Variants in ATG13 observed in about 807,000 individuals in gnomAD.
ATG13 encodes autophagy related 13, also known as autophagy-related protein 13.
A neutral mutation model predicts 65.5 loss-of-function variants in ATG13; 23 were observed. That is an observed-to-expected ratio of 0.35 (90% confidence interval 0.25 to 0.50). The LOEUF (loss-of-function observed/expected upper bound fraction) is 0.50. ATG13 is among the 20% of genes least tolerant of loss of function. ATG13 has a pLI of 0.98. For missense variants in ATG13, 566 were observed against 677.0 expected (o/e 0.84, Z 1.82); for synonymous variants, 252 against 245.2 (o/e 1.03, Z -0.26).
chr11:46,659,236 G>A (rs1411224410), intron 10 of ATG13, 156 bp from the exon 11 acceptor site: 1 of 579,778 alleles, frequency 1.7e-6, no homozygotes, highest in Non-Finnish European at 3.1e-6. Context: ...TGGAATGTTT[G>A]AAATTATTGA....
intron 2 of ATG13, among the ~76,000 whole-genome samples, chr11:46,641,679 A>G (rs1480711030): frequency 6.6e-6 from 1 of 152,054 alleles, no homozygotes; most frequent in Non-Finnish European, 1.5e-5. Context: ...GATTGTGGTT[A>G]TATGGGTGTA....
At chr11:46,625,777 A>T (rs895795777) in intron 1 of ATG13, among the ~76,000 whole-genome samples, 1 of 152,156 alleles carries the variant, frequency 6.6e-6, no homozygotes, top group African/African-American at 2.4e-5. Context: ...GTGGTGTTAC[A>T]ACATACAGAA....
intron 7 of ATG13, among the ~76,000 whole-genome samples, chr11:46,655,132 G>T (rs2059763942): frequency 6.6e-6 from 1 of 151,946 alleles, no homozygotes; most frequent in Admixed American, 6.6e-5. Flanking sequence ...GGGCGCAGTG[G>T]CTCACGCCTG....
Position 46,668,784 on chromosome 11 carries a change from T to A in ATG13, c.1330-10T>A. 1 of 1,605,608 alleles carries A rather than the reference T, an allele frequency of 6.2e-7. No individual in the cohort carries two copies. Among genetic ancestry groups the A allele is most frequent in the African/African-American group, 1.3e-5 (1 of 74,898 alleles). On this transcript the variant is annotated splice_polypyrimidine_tract_variant and intron_variant, in intron 16 of 18. Coordinates refer to ENST00000683050, the MANE Select transcript of ATG13 (RefSeq NM_001346311.2). Reference sequence around the variant, plus strand: ...AGCATCAGCCCTAATCCTGCCTTGCTATGAAACAGGTGAATCCTCCAGATT... The same window carrying A: ...AGCATCAGCCCTAATCCTGCCTTGCAATGAAACAGGTGAATCCTCCAGATT...
chr11:46,639,440 G>A (rs1415696440), intron 2 of ATG13, among the ~76,000 whole-genome samples: 2 of 151,982 alleles, frequency 1.3e-5, no homozygotes, highest in Admixed American at 6.6e-5. Flanking sequence ...GTAGATAGTA[G>A]GTTGGCTTCT....
chr11:46,647,280 G>GTTTTTTTT (rs60893694), intron 5 of ATG13, among the ~76,000 whole-genome samples: 1 of 55,910 alleles, frequency 1.8e-5, no homozygotes, highest in Non-Finnish European at 4.6e-5. Context: ...TGTTTTTTTT[G>GTTTTTTTT]TTTTTTTTTT....
intron 2 of ATG13, among the ~76,000 whole-genome samples, chr11:46,633,137 G>T (rs1187544391): frequency 4.8e-5 from 7 of 147,168 alleles, no homozygotes; most frequent in African/African-American, 1.8e-4. Context: ...CTATTCTCCT[G>T]CCTTAGCTTC....
chr11:46,637,320 A>G (rs543026872), intron 2 of ATG13, among the ~76,000 whole-genome samples: 1 of 152,344 alleles, frequency 6.6e-6, no homozygotes, highest in Non-Finnish European at 1.5e-5. Context: ...ATAAAACAAA[A>G]TGTTTCTACA....
At chr11:46,652,938 A>G (rs539342026) in intron 7 of ATG13, among the ~76,000 whole-genome samples, 53 of 152,162 alleles carry the variant, frequency 3.5e-4, no homozygotes, top group African/African-American at 1.3e-3. Flanking sequence ...TTTTTATAAA[A>G]AAAGTTTTTT....
intron 7 of ATG13, among the ~76,000 whole-genome samples, chr11:46,651,761 T>C (rs1319950989): frequency 6.6e-6 from 1 of 152,230 alleles, no homozygotes; most frequent in Non-Finnish European, 1.5e-5. Flanking sequence ...TGTCTATTTT[T>C]CTAGGTCTTT....
chr11:46,650,061 A>T, intron 6 of ATG13, 116 bp from the exon 7 acceptor site: 1 of 1,157,874 alleles, frequency 8.6e-7, no homozygotes, highest in Admixed American at 2.4e-5. Flanking sequence ...TAATCTGTTG[A>T]TAAAGGTGTA....
At chr11:46,620,491 T>C (rs1016610763) in intron 1 of ATG13, among the ~76,000 whole-genome samples, 16 of 151,868 alleles carry the variant, frequency 1.1e-4, no homozygotes, top group Non-Finnish European at 2.4e-4. Flanking sequence ...AACAACTCAA[T>C]TGGGCTGGGC....
At position 46,664,091 on chromosome 11, in the gene ATG13, A is replaced by G. The variant is rs1275795557; in HGVS notation, c.884A>G (p.His295Arg). 1.3e-6 allele frequency: 2 copies of G among 1,587,234 alleles called. No individual in the cohort carries two copies. The highest frequency in any genetic ancestry group is 2.2e-5 in the South Asian group (2 of 89,616). ...RVPMAGLAFS[H>R]QLSSSRLSYQ... ...CCCATGGCAGGACTGGCCTTTTCCC[A>G]TCAAGTGAGTCCATAATGGGAAGAA... Residue 295 changes from histidine to arginine, a missense_variant, in exon 12 of 19, where the codon CAT becomes CGT. Around this residue, in one of 2 missense-constraint regions of ATG13, gnomAD observed 387 missense variants for 409.8 expected, o/e 0.94. Transcript: ENST00000683050.
At chr11:46,629,499 C>T (rs1182447461) in intron 1 of ATG13, among the ~76,000 whole-genome samples, 3 of 151,874 alleles carry the variant, frequency 2.0e-5, no homozygotes, top group East Asian at 1.9e-4. Flanking sequence ...TGAGTTGAAG[C>T]GATTCTCCTG....
chr11:46,647,261 T>G (rs2057805699), intron 5 of ATG13, among the ~76,000 whole-genome samples: 2 of 149,338 alleles, frequency 1.3e-5, no homozygotes, highest in South Asian at 4.2e-4. Flanking sequence ...TGGTTGCTTT[T>G]TGGGTTTTTG....
At chr11:46,623,757 A>AT (rs1205565413) in intron 1 of ATG13, among the ~76,000 whole-genome samples, 3 of 151,726 alleles carry the variant, frequency 2.0e-5, no homozygotes, top group Admixed American at 6.6e-5. Flanking sequence ...TGTTAATTTG[A>AT]TTTTTTTTAA....
chr11:46,645,839 G>A, intron 4 of ATG13, 31 bp from the exon 5 acceptor site: 1 of 1,613,544 alleles, frequency 6.2e-7, no homozygotes, highest in Non-Finnish European at 8.5e-7. Flanking sequence ...TCCTGTGAGT[G>A]TTTCATGCAA....
Position 46,668,782 on chromosome 11 carries a change from G to A in ATG13, c.1330-12G>A. The A allele has an allele frequency of 1.9e-6, 3 of 1,603,014 alleles. No individual in the cohort carries two copies. The highest frequency in any genetic ancestry group is 2.6e-6 in the Non-Finnish European group (3 of 1,171,176). ...ACAGCATCAGCCCTAATCCTGCCTT[G>A]CTATGAAACAGGTGAATCCTCCAGA... On this transcript the variant is annotated splice_polypyrimidine_tract_variant and intron_variant, in intron 16 of 18. Coordinates refer to ENST00000683050, the MANE Select transcript of ATG13 (RefSeq NM_001346311.2).
intron 2 of ATG13, among the ~76,000 whole-genome samples, chr11:46,633,015 T>TAA: frequency 9.9e-6 from 1 of 101,366 alleles, no homozygotes; most frequent in Middle Eastern, 4.4e-3. Context: ...TATATATATA[T>TAA]ATATATATAT....
Sources: gnomAD v4.1 joint callset for allele counts (sites outside exome capture counted in the v4.1 genomes callset) on GRCh38, gnomAD v4.1.1 for gene constraint, gnomAD v4.1.1 regional missense constraint, MANE v1.5 for transcripts, NCBI Gene and HGNC (gene_info 2026-07-23, HGNC 2026-07-21) for gene names.